Variants in ATRX observed in about 807,000 individuals in gnomAD.
ATRX encodes ATRX chromatin remodeler, also known as chromatin remodeler ATRX.
In ATRX, 12 loss-of-function variants were observed where a neutral mutation model predicts 172.6. That is an observed-to-expected ratio of 0.07 (90% CI 0.04 to 0.11). ATRX has a LOEUF of 0.11. Among genes scored for constraint, ATRX ranks in the 10% least tolerant of loss-of-function variants. The probability of loss-of-function intolerance (pLI) is 1.00; values close to 1 mark genes in which losing one functional copy is unlikely to be tolerated. For synonymous variants in ATRX, 674 were observed against 594.7 expected (o/e 1.13, Z -1.94); for missense variants, 1,368 against 1,767.4 (o/e 0.77, Z 4.05).
chrX:77,636,353 T>C (rs1322283969), intron 15 of ATRX, among the ~76,000 whole-genome samples: 1 of 111,018 alleles, frequency 9.0e-6, no homozygotes, highest in East Asian at 2.8e-4. Flanking sequence ...CAAGATCCAG[T>C]TGTTTAAAAC....
intron 34 of ATRX, among the ~76,000 whole-genome samples, chrX:77,515,322 A>G (rs143630146): frequency 1.3e-3 from 146 of 111,714 alleles, no homozygotes; most frequent in Admixed American, 2.9e-3. Flanking sequence ...ACTATCCACA[A>G]AAGCAAAAAC....
chrX:77,786,138 A>C lies in ATRX; in HGVS notation c.-137T>G. On this transcript the variant is annotated 5_prime_UTR_variant, in exon 1 of 35. Coordinates refer to ENST00000373344, the MANE Select transcript of ATRX (RefSeq NM_000489.6). ...CTGCTGGAACCTCCCCACAGCTCAA[A>C]GGCCGCTACCACTGCCACCGCCGCA... The C allele has an allele frequency of 1.4e-6, 1 of 720,029 alleles. No homozygotes were observed. 59.3% of individuals were successfully genotyped at this position (720,029 alleles called of 1,213,427 possible).
chrX:77,642,164 T>C (rs2068688695), intron 15 of ATRX, among the ~76,000 whole-genome samples: 1 of 111,345 alleles, frequency 9.0e-6, no homozygotes, highest in Non-Finnish European at 1.9e-5. Context: ...CACTGCACTC[T>C]AGCATGGGCA....
At chrX:77,727,739 T>A (rs1173400959) in intron 1 of ATRX, 2 of 111,042 alleles carry the variant, frequency 1.8e-5, no homozygotes, top group African/African-American at 6.6e-5. Context: ...GATGATAGGT[T>A]GATGGGTGCA....
At chrX:77,667,295 ATGTGTGTG>A (rs782297684) in intron 10 of ATRX, among the ~76,000 whole-genome samples, 10,265 of 88,818 alleles carry the variant, frequency 0.12, 564 homozygotes, top group Admixed American at 0.18. Flanking sequence ...ACGAATAAAT[ATGTGTGTG>A]TGTGTGTGTG....
At chrX:77,776,300 T>TA (rs2076347779) in intron 1 of ATRX, among the ~76,000 whole-genome samples, 1 of 111,808 alleles carries the variant, frequency 8.9e-6, no homozygotes, top group African/African-American at 3.2e-5. Context: ...CACATGGTAA[T>TA]AGTAATCAGT....
chrX:77,685,063 G>A (rs782184347), intron 7 of ATRX, 57 bp from the exon 8 acceptor site: 137 of 929,432 alleles, frequency 1.5e-4, no homozygotes, highest in Non-Finnish European at 2.0e-4. Context: ...CATTCATAAA[G>A]GACAAAAACT....
At chrX:77,776,179 T>A (rs1342563398) in intron 1 of ATRX, among the ~76,000 whole-genome samples, 1 of 112,239 alleles carries the variant, frequency 8.9e-6, no homozygotes, top group Non-Finnish European at 1.9e-5. Flanking sequence ...AAGGGCTCGG[T>A]TACTAGCCAA....
intron 30 of ATRX, among the ~76,000 whole-genome samples, chrX:77,539,729 G>A (rs782281269): frequency 3.3e-4 from 37 of 111,729 alleles, no homozygotes; most frequent in South Asian, 1.9e-3. Context: ...CTTTATAAGC[G>A]AAGGAGAAAT....
chrX:77,685,011 TAAAAG>T lies in ATRX; in HGVS notation c.595-10_595-6del. On this transcript the variant is annotated splice_region_variant and splice_polypyrimidine_tract_variant and intron_variant, in intron 7 of 34. Transcript: ENST00000373344. ...CATGTAATACTTAAAGCAATTCTAT[TAAAAG>T]AAAAGAGGAAGGGGAAATTTAATTC... 1 of 1,177,200 alleles carries T rather than the reference TAAAAG, an allele frequency of 8.5e-7. No individual in the cohort carries two copies. Among genetic ancestry groups the T allele is most frequent in the Non-Finnish European group, 1.2e-6 (1 of 864,871 alleles).
At chrX:77,691,144 T>C (rs1369592845) in intron 6 of ATRX, 1 of 112,075 alleles carries the variant, frequency 8.9e-6, no homozygotes, top group East Asian at 2.8e-4. Context: ...AAATGAAAAA[T>C]GTTTTATGAA....
intron 1 of ATRX, among the ~76,000 whole-genome samples, chrX:77,735,508 C>T (rs2074502596): frequency 9.1e-6 from 1 of 110,161 alleles, no homozygotes. Flanking sequence ...TGGAGAATGG[C>T]GTGAACCCGG....
chrX:77,716,316 A>T (rs1366029955), intron 2 of ATRX, among the ~76,000 whole-genome samples: 4 of 60,652 alleles, frequency 6.6e-5, no homozygotes, highest in Non-Finnish European at 1.3e-4. Flanking sequence ...AAAAAAAAAA[A>T]AAAAAAAATA....
chrX:77,621,527 G>T (rs976996542), intron 19 of ATRX, among the ~76,000 whole-genome samples: 1 of 111,684 alleles, frequency 9.0e-6, no homozygotes, highest in African/African-American at 3.3e-5. Flanking sequence ...GGTCAGGCTG[G>T]TCTCAAACTC....
At chrX:77,622,933 C>T (rs1207657390) in intron 19 of ATRX, among the ~76,000 whole-genome samples, 7 of 110,153 alleles carry the variant, frequency 6.4e-5, no homozygotes, top group Non-Finnish European at 1.1e-4. Context: ...GTTCATAGCC[C>T]TGAACGCCTA....
chrX:77,615,818 C>T, intron 22 of ATRX: 4 of 284,612 alleles, frequency 1.4e-5, no homozygotes, highest in Non-Finnish European at 1.9e-5. Context: ...TTCCATCCTC[C>T]TTTTTTTTTT....
intron 30 of ATRX, among the ~76,000 whole-genome samples, chrX:77,542,160 T>C (rs991472445): frequency 1.7e-4 from 19 of 111,834 alleles, no homozygotes; most frequent in African/African-American, 5.5e-4. Context: ...CAAGCATTTC[T>C]ATACACCAAT....
chrX:77,706,744 A>T (rs2072846562), intron 2 of ATRX, among the ~76,000 whole-genome samples: 1 of 109,866 alleles, frequency 9.1e-6, no homozygotes, highest in African/African-American at 3.3e-5. Context: ...TAAAAAATAA[A>T]AAAAAAAAAA....
chrX:77,589,688 T>C, intron 27 of ATRX, 146 bp downstream of exon 27: 1 of 451,885 alleles, frequency 2.2e-6, no homozygotes, highest in Non-Finnish European at 3.9e-6. Flanking sequence ...TATATATGGA[T>C]AAGGACAAAT....
Sources: allele counts gnomAD v4.1 joint callset (sites outside exome capture counted in the v4.1 genomes callset), GRCh38; gene constraint gnomAD v4.1.1; transcripts MANE v1.5; gene names NCBI Gene and HGNC (gene_info 2026-07-23, HGNC 2026-07-21).